Variants in SERPINI1 observed in about 807,000 individuals in gnomAD.
SERPINI1 encodes neuroserpin.
In SERPINI1, 19 loss-of-function variants were observed where a neutral mutation model predicts 41.1. That is an observed-to-expected ratio of 0.46 (90% CI 0.32 to 0.68). The LOEUF (loss-of-function observed/expected upper bound fraction) is 0.68, where lower values mean the gene tolerates loss of function less well. Ranked by LOEUF, SERPINI1 falls within the 30% of genes least tolerant of loss-of-function variation. SERPINI1 has a pLI of 0.03. For missense variants in SERPINI1, 460 were observed against 479.2 expected, an observed-to-expected ratio of 0.96 and a Z score of 0.37; for synonymous variants, 138 against 156.6, an observed-to-expected ratio of 0.88 and a Z score of 0.89.
intron 1 of SERPINI1, among the ~76,000 whole-genome samples, chr3:167,747,473 T>C (rs368915266): frequency 1.3e-5 from 2 of 152,278 alleles, no homozygotes; most frequent in African/African-American, 4.8e-5. Context: ...TGAAACTCTG[T>C]TTCTACTGAA....
chr3:167,810,283 A>G (rs949040569), intron 6 of SERPINI1, among the ~76,000 whole-genome samples: 6 of 152,088 alleles, frequency 3.9e-5, no homozygotes, highest in Non-Finnish European at 8.8e-5. Flanking sequence ...CATAACCCCC[A>G]TAAATACCCA....
chr3:167,752,711 G>GATAACCTA (rs1253220128), intron 1 of SERPINI1, among the ~76,000 whole-genome samples: 2 of 151,926 alleles, frequency 1.3e-5, no homozygotes, highest in African/African-American at 4.8e-5. Flanking sequence ...CAAGGGCCTA[G>GATAACCTA]ATAACCTAGC....
At chr3:167,793,195 T>C (rs1727587055) in intron 4 of SERPINI1, among the ~76,000 whole-genome samples, 1 of 152,136 alleles carries the variant, frequency 6.6e-6, no homozygotes, top group East Asian at 1.9e-4. Flanking sequence ...AAAATTTGAT[T>C]TTAGACATGT....
chr3:167,744,041 C>T (rs141522968), intron 1 of SERPINI1, among the ~76,000 whole-genome samples: 6 of 152,174 alleles, frequency 3.9e-5, no homozygotes, highest in Non-Finnish European at 5.9e-5. Flanking sequence ...GCAATGAAGA[C>T]GTGAACCACA....
In SERPINI1 at chr3:167,779,192, T is replaced by A. The variant is rs548298442; in HGVS notation, c.-18-9919T>A. ...AAAACACATATTTTTAAAAGAAAAATTTCTAGCTTAAAAATTTTTTTAAAC... is the reference window on the plus strand; with the variant it reads ...AAAACACATATTTTTAAAAGAAAAAATTCTAGCTTAAAAATTTTTTTAAAC... On this transcript the variant is annotated intron_variant, in intron 1 of 8. Transcript: ENST00000446050. Among the ~76,000 whole-genome samples, 486 of 152,290 alleles carry A rather than the reference T, an allele frequency of 3.2e-3. 2 individuals are homozygous for A. The highest frequency in any genetic ancestry group is 0.011 in the African/African-American group (469 of 41,576).
chr3:167,823,118 T>G, intron 7 of SERPINI1, 46 bp downstream of exon 7: 1 of 1,314,558 alleles, frequency 7.6e-7, no homozygotes, highest in Non-Finnish European at 1.1e-6. Flanking sequence ...TTTGTATTTT[T>G]AGAGCAATCT....
At chr3:167,794,853 C>G (rs775036911) in intron 5 of SERPINI1, 29 bp downstream of exon 5, 103 of 1,568,886 alleles carry the variant, frequency 6.6e-5, no homozygotes, top group Non-Finnish European at 8.9e-5. Context: ...ACCCGTCCCA[C>G]AGCATGGACG....
intron 1 of SERPINI1, among the ~76,000 whole-genome samples, chr3:167,743,858 T>C (rs1050337753): frequency 6.6e-6 from 1 of 152,108 alleles, no homozygotes; most frequent in Non-Finnish European, 1.5e-5. Context: ...GGAAAGGCTT[T>C]AAGGAAGAAT....
chr3:167,804,330 C>T (rs1417564816), intron 5 of SERPINI1, among the ~76,000 whole-genome samples: 1 of 152,070 alleles, frequency 6.6e-6, no homozygotes, highest in Non-Finnish European at 1.5e-5. Context: ...TCTCATTTTC[C>T]TTAAAACCAG....
chr3:167,802,473 A>G (rs1432800635), intron 5 of SERPINI1, among the ~76,000 whole-genome samples: 6 of 151,318 alleles, frequency 4.0e-5, no homozygotes, highest in African/African-American at 9.7e-5. Context: ...GAAGGACATG[A>G]ACAGACACTT....
At chr3:167,772,825 T>TCC (rs1280236346) in intron 1 of SERPINI1, among the ~76,000 whole-genome samples, 3 of 15,576 alleles carry the variant, frequency 1.9e-4, no homozygotes, top group African/African-American at 4.7e-4. Flanking sequence ...ATCTTGAGAC[T>TCC]CTCTCTCTCT....
rs534286057 is a variant in SERPINI1, at chr3:167,818,376, A to G, written c.980-4610A>G. 2.6e-5 allele frequency among the ~76,000 whole-genome samples: 4 copies of G among 152,324 alleles called. No homozygotes were observed. In the East Asian group the frequency reaches 7.7e-4, roughly 29 times the overall value. On this transcript the variant is annotated intron_variant, in intron 6 of 8. Coordinates refer to ENST00000446050, the MANE Select transcript of SERPINI1 (RefSeq NM_001122752.2). ...GAGAAAGGTTCACAGATATATGTAT[A>G]TCTATCAAAACTTATCAAATCATGT...
intron 5 of SERPINI1, among the ~76,000 whole-genome samples, chr3:167,805,207 CTGT>C (rs1161704806): frequency 1.3e-5 from 2 of 152,158 alleles, no homozygotes; most frequent in Non-Finnish European, 2.9e-5. Context: ...TCGCTAGCAT[CTGT>C]TGTTTCCTGA....
intron 1 of SERPINI1, among the ~76,000 whole-genome samples, chr3:167,747,613 C>T (rs1725900437): frequency 6.6e-6 from 1 of 152,090 alleles, no homozygotes; most frequent in Non-Finnish European, 1.5e-5. Flanking sequence ...CACTGCACTC[C>T]AGCCTGGGCG....
chr3:167,813,465 G>A (rs1348950225), intron 6 of SERPINI1, among the ~76,000 whole-genome samples: 1 of 152,088 alleles, frequency 6.6e-6, no homozygotes, highest in Non-Finnish European at 1.5e-5. Flanking sequence ...ATCCCCACTG[G>A]GGATGTAAAG....
chr3:167,813,873 A>G (rs1711978359), intron 6 of SERPINI1, among the ~76,000 whole-genome samples: 1 of 152,026 alleles, frequency 6.6e-6, no homozygotes, highest in Admixed American at 6.6e-5. Flanking sequence ...GACTTCTCTC[A>G]TACTTCCTGC....
At chr3:167,790,696 A>C (rs1727477601) in intron 3 of SERPINI1, 94 bp downstream of exon 3, 1 of 929,762 alleles carries the variant, frequency 1.1e-6, no homozygotes, top group Non-Finnish European at 1.7e-6. Flanking sequence ...TTGCATTTTG[A>C]ATGTTTGAGA....
At position 167,825,304 on chromosome 3, in the gene SERPINI1, A is replaced by T. The variant is rs1322287027; in HGVS notation, c.1214A>T (p.His405Leu). The stretch of plus-strand genomic sequence containing the variant: ...CCTGAAACAATGAACACAAGTGGAC[A>T]TGATTTCGAAGAACTTTAAGTTACT... ...MHPETMNTSGHDFEEL is the reference protein window; with the variant it reads ...MHPETMNTSGLDFEEL The change falls in exon 9 of 9, where the codon CAT becomes CTT. Residue 405 changes from histidine to leucine, a missense_variant. Physicochemically the swap from His to Leu is moderately conservative, Grantham distance 99. Coordinates refer to ENST00000446050, the MANE Select transcript of SERPINI1 (RefSeq NM_001122752.2). The T allele has an allele frequency of 6.2e-7, 1 of 1,612,292 alleles. No homozygotes were observed.
At chr3:167,763,187 T>C (rs1432072463) in intron 1 of SERPINI1, among the ~76,000 whole-genome samples, 2 of 152,078 alleles carry the variant, frequency 1.3e-5, no homozygotes, top group Non-Finnish European at 2.9e-5. Context: ...CTCATGGAGC[T>C]TGCAGTCTAG....
Sources: allele counts gnomAD v4.1 joint callset (sites outside exome capture counted in the v4.1 genomes callset), GRCh38; gene constraint gnomAD v4.1.1; transcripts MANE v1.5; gene names NCBI Gene and HGNC (gene_info 2026-07-23, HGNC 2026-07-21).